The following XYLT1 variants were observed in gnomAD, a reference collection of about 807,000 sequenced individuals.
XYLT1 encodes the protein xylosyltransferase 1, also known as beta-D-xylosyltransferase 1.
Under a neutral mutation model 91.3 loss-of-function variants are expected in XYLT1, and 36 were observed. The observed-to-expected ratio is 0.39, with a 90% CI of 0.30 to 0.52. The LOEUF (loss-of-function observed/expected upper bound fraction) is 0.52. Among genes scored for constraint, XYLT1 ranks in the 20% least tolerant of loss-of-function variants. The pLI is 0.68. For missense variants in XYLT1, 1,242 were observed against 1,284.5 expected (o/e 0.97, Z 0.51); for synonymous variants, 588 against 532.0 (o/e 1.11, Z -1.45).
intron 8 of XYLT1, chr16:17,138,120 T>C (rs1205575788): frequency 2.1e-6 from 1 of 472,448 alleles, no homozygotes; most frequent in Non-Finnish European, 3.7e-6. Context: ...AATGGAATAA[T>C]AATGAAAGGT....
chr16:17,188,155 TA>T (rs1312387098), intron 5 of XYLT1, among the ~76,000 whole-genome samples: 3 of 152,048 alleles, frequency 2.0e-5, no homozygotes, highest in African/African-American at 7.2e-5. Context: ...GTTTGGAGAA[TA>T]GGGGGCTCTG....
At chr16:17,255,825 T>C (rs1394152006) in intron 3 of XYLT1, among the ~76,000 whole-genome samples, 1 of 152,072 alleles carries the variant, frequency 6.6e-6, no homozygotes, top group African/African-American at 2.4e-5. Flanking sequence ...GGGGCCAACA[T>C]GGTGAAACCC....
chr16:17,327,602 TCCCGCCCCCCCCCCCC>T (rs111485132), intron 2 of XYLT1, among the ~76,000 whole-genome samples: 96,836 of 107,150 alleles, frequency 0.9, 43,562 homozygotes, highest in Middle Eastern at 0.94. Context: ...GACCTCGTGA[TCCCGCCCCCCCCCCCC>T]CCCCCCCCCC....
chr16:17,222,979 C>A (rs2032997790), intron 3 of XYLT1, among the ~76,000 whole-genome samples: 1 of 150,398 alleles, frequency 6.6e-6, no homozygotes, highest in East Asian at 2.0e-4. Flanking sequence ...CGCTGATGAA[C>A]TCACACAGAG....
intron 2 of XYLT1, among the ~76,000 whole-genome samples, chr16:17,325,743 A>G (rs2034791425): frequency 6.6e-6 from 1 of 152,190 alleles, no homozygotes; most frequent in Non-Finnish European, 1.5e-5. Flanking sequence ...AATTGCTAGC[A>G]TTTTTGAGAG....
At chr16:17,129,284 C>T (rs2030382957) in intron 9 of XYLT1, among the ~76,000 whole-genome samples, 3 of 152,034 alleles carry the variant, frequency 2.0e-5, no homozygotes, top group Admixed American at 6.6e-5. Flanking sequence ...ATTTTTGAGG[C>T]AGAGTCTCAC....
At chr16:17,323,002 T>C (rs1244085691) in intron 2 of XYLT1, among the ~76,000 whole-genome samples, 7 of 152,200 alleles carry the variant, frequency 4.6e-5, no homozygotes, top group African/African-American at 1.7e-4. Flanking sequence ...TCCGGTCCAT[T>C]TCCTCATCCC....
At chr16:17,118,020 C>G (rs1317128900) in intron 10 of XYLT1, 41 bp from the exon 11 acceptor site, 2 of 1,569,962 alleles carry the variant, frequency 1.3e-6, no homozygotes, top group African/African-American at 2.7e-5. Context: ...TGGGCCTGAA[C>G]TAGGGGGCTA....
At chr16:17,291,719 AC>A (rs1423542707) in intron 2 of XYLT1, among the ~76,000 whole-genome samples, 2 of 152,128 alleles carry the variant, frequency 1.3e-5, no homozygotes, top group Non-Finnish European at 2.9e-5. Flanking sequence ...ATACAAAAAG[AC>A]CTGGAAATTG....
intron 1 of XYLT1, among the ~76,000 whole-genome samples, chr16:17,416,785 A>G (rs930489068): frequency 1.2e-4 from 18 of 152,182 alleles, no homozygotes; most frequent in Admixed American, 1.0e-3. Flanking sequence ...ACCGTGGTGA[A>G]ACATCTCTTT....
At chr16:17,356,951 C>T (rs7188862) in intron 2 of XYLT1, among the ~76,000 whole-genome samples, 40,953 of 151,462 alleles carry the variant, frequency 0.27, 5,775 homozygotes, top group African/African-American at 0.34. Context: ...CCAAGGTGAG[C>T]GGATCACAAG....
intron 10 of XYLT1, 29 bp downstream of exon 10, chr16:17,127,637 A>G (rs767098193): frequency 2.5e-6 from 4 of 1,601,252 alleles, no homozygotes; most frequent in Admixed American, 1.7e-5. Context: ...GCAAAATACA[A>G]TGAAATGTGA....
intron 5 of XYLT1, chr16:17,194,294 G>T (rs1033960366): frequency 1.3e-5 from 2 of 152,206 alleles, no homozygotes; most frequent in Admixed American, 1.3e-4. Context: ...GCAGTTTGAC[G>T]AGAGTGCAGG....
intron 3 of XYLT1, among the ~76,000 whole-genome samples, chr16:17,222,217 T>C (rs1280642544): frequency 1.3e-5 from 2 of 152,148 alleles, no homozygotes; most frequent in South Asian, 2.1e-4. Context: ...CACAGAAACA[T>C]ACTAAGTTAT....
intron 1 of XYLT1, among the ~76,000 whole-genome samples, chr16:17,399,869 C>T (rs2141899999): frequency 6.6e-6 from 1 of 152,040 alleles, no homozygotes; most frequent in East Asian, 1.9e-4. Context: ...TGTTTTTTTA[C>T]TTCTCAGGTC....
chr16:17,184,494 T>C (rs7184487), intron 5 of XYLT1, among the ~76,000 whole-genome samples: 9,635 of 152,144 alleles, frequency 0.063, 394 homozygotes, highest in African/African-American at 0.091. Flanking sequence ...GTGGAAGTGT[T>C]TGTACCCCAT....
At chr16:17,160,917 T>G (rs79854009) in intron 5 of XYLT1, among the ~76,000 whole-genome samples, 1,785 of 152,340 alleles carry the variant, frequency 0.012, 35 homozygotes, top group African/African-American at 0.041. Context: ...TTAACAGCTC[T>G]TATTTACCAA....
intron 2 of XYLT1, among the ~76,000 whole-genome samples, chr16:17,281,424 T>G (rs1355911099): frequency 6.6e-6 from 1 of 152,156 alleles, no homozygotes; most frequent in Admixed American, 6.5e-5. Context: ...GTGTGCTGGG[T>G]GAGGGCAGTA....
At chr16:17,469,574 C>T (rs138423264) in intron 1 of XYLT1, among the ~76,000 whole-genome samples, 194 of 152,320 alleles carry the variant, frequency 1.3e-3, no homozygotes, top group African/African-American at 4.5e-3. Context: ...CACCCAGCCA[C>T]CCAGATGGCC....
Sources: gnomAD v4.1 joint callset for allele counts (sites outside exome capture counted in the v4.1 genomes callset) on GRCh38, gnomAD v4.1.1 for gene constraint, MANE v1.5 for transcripts, NCBI Gene and HGNC (gene_info 2026-07-23, HGNC 2026-07-21) for gene names.